Variants in SLIT2 observed in about 807,000 individuals in gnomAD.
SLIT2 encodes slit homolog 2 protein.
In SLIT2, 41 loss-of-function variants were observed where a neutral mutation model predicts 185.7. The ratio of observed to expected loss-of-function variants is 0.22; its 90% CI spans 0.17 to 0.29. The LOEUF (loss-of-function observed/expected upper bound fraction) is 0.29. Ranked by LOEUF, SLIT2 falls within the 10% of genes least tolerant of loss-of-function variation. The pLI, the probability that SLIT2 is intolerant of heterozygous loss-of-function variation, is 1.00. For synonymous variants in SLIT2, 693 were observed against 680.2 expected (o/e 1.02, Z -0.29); for missense variants, 1,571 against 1,909.0 (o/e 0.82, Z 3.30).
chr4:20,343,234 C>T (rs1380404514), intron 4 of SLIT2, among the ~76,000 whole-genome samples: 1 of 152,152 alleles, frequency 6.6e-6, no homozygotes, highest in Admixed American at 6.5e-5. Flanking sequence ...ATACACCCTT[C>T]CCAGTCTCTG....
chr4:20,537,052 A>C (rs902448774), intron 18 of SLIT2, among the ~76,000 whole-genome samples: 2 of 152,188 alleles, frequency 1.3e-5, no homozygotes, highest in Non-Finnish European at 2.9e-5. Flanking sequence ...TTCTTCTGGA[A>C]TACCTCCGGA....
intron 3 of SLIT2, among the ~76,000 whole-genome samples, chr4:20,264,503 A>T (rs549633871): frequency 6.6e-6 from 1 of 152,048 alleles, no homozygotes; most frequent in East Asian, 1.9e-4. Flanking sequence ...ATTAGATGGA[A>T]GGTTGTGAAC....
intron 30 of SLIT2, among the ~76,000 whole-genome samples, chr4:20,593,889 T>C (rs965923080): frequency 5.9e-5 from 9 of 151,842 alleles, no homozygotes; most frequent in Admixed American, 3.3e-4. Flanking sequence ...AGAGCTAAGT[T>C]ATAGTTTTCT....
intron 4 of SLIT2, among the ~76,000 whole-genome samples, chr4:20,462,234 C>T (rs1021940682): frequency 1.3e-5 from 2 of 152,032 alleles, no homozygotes; most frequent in South Asian, 4.2e-4. Flanking sequence ...TTTCCAGCTC[C>T]CCTCATTTCT....
intron 4 of SLIT2, among the ~76,000 whole-genome samples, chr4:20,376,425 T>C (rs552967187): frequency 6.6e-5 from 10 of 152,190 alleles, no homozygotes; most frequent in African/African-American, 2.4e-4. Flanking sequence ...GATAATTCCA[T>C]TGTAGAAAGC....
chr4:20,598,227 G>A (rs377300122), intron 32 of SLIT2, 38 bp from the exon 33 acceptor site: 24 of 1,608,008 alleles, frequency 1.5e-5, no homozygotes, highest in African/African-American at 1.5e-4. Flanking sequence ...GTTTGGTTGC[G>A]TACACATCCT....
At position 20,425,679 on chromosome 4, in the gene SLIT2, A is replaced by G. The variant is rs566463788; in HGVS notation, c.396-42073A>G. ...GGGAAAAGCCACTCTTAATACATAG[A>G]AATTCCTTTTAGTGAGTTCAACTTT... On this transcript the variant is annotated intron_variant, in intron 4 of 36. Transcript: ENST00000504154. 1.1e-3 allele frequency among the ~76,000 whole-genome samples: 172 copies of G among 152,316 alleles called. 1 individual carries two copies. Among genetic ancestry groups the G allele is most frequent in the African/African-American group, 3.5e-3 (147 of 41,580 alleles).
chr4:20,334,734 C>G (rs1490625023), intron 4 of SLIT2, among the ~76,000 whole-genome samples: 1 of 151,966 alleles, frequency 6.6e-6, no homozygotes, highest in African/African-American at 2.4e-5. Context: ...GTATGGAGTC[C>G]AGGAATTAGA....
At chr4:20,505,880 G>A (rs1209697724) in intron 9 of SLIT2, among the ~76,000 whole-genome samples, 1 of 152,004 alleles carries the variant, frequency 6.6e-6, no homozygotes, top group Non-Finnish European at 1.5e-5. Context: ...GTATAATGAG[G>A]TAGCAGTAAT....
At chr4:20,344,138 G>A (rs1432812941) in intron 4 of SLIT2, among the ~76,000 whole-genome samples, 3 of 152,134 alleles carry the variant, frequency 2.0e-5, no homozygotes, top group Admixed American at 1.3e-4. Flanking sequence ...GTGAGCCACC[G>A]CGCCCGGCCA....
intron 4 of SLIT2, among the ~76,000 whole-genome samples, chr4:20,416,510 T>C (rs778313118): frequency 1.2e-4 from 18 of 152,210 alleles, no homozygotes; most frequent in Non-Finnish European, 1.8e-4. Flanking sequence ...ATTTAATCCA[T>C]AAAACCCTCT....
chr4:20,297,095 T>C (rs1245455093), intron 4 of SLIT2, among the ~76,000 whole-genome samples: 2 of 152,230 alleles, frequency 1.3e-5, no homozygotes, highest in African/African-American at 4.8e-5. Context: ...TCCTTACAAA[T>C]AGTTTCCTTA....
intron 4 of SLIT2, among the ~76,000 whole-genome samples, chr4:20,379,476 A>G (rs778382690): frequency 3.3e-5 from 5 of 152,188 alleles, no homozygotes; most frequent in Admixed American, 1.3e-4. Flanking sequence ...TCTTAATACA[A>G]CACATAAATA....
chr4:20,358,666 A>G (rs1288174306), intron 4 of SLIT2, among the ~76,000 whole-genome samples: 1 of 152,100 alleles, frequency 6.6e-6, no homozygotes, highest in Non-Finnish European at 1.5e-5. Flanking sequence ...AAGTTTGACA[A>G]ACTCATGCAC....
intron 4 of SLIT2, among the ~76,000 whole-genome samples, chr4:20,403,211 G>T (rs1726496413): frequency 6.6e-6 from 1 of 151,842 alleles, no homozygotes; most frequent in Admixed American, 6.6e-5. Context: ...GCCATCAAAT[G>T]AAAAATACAT....
At chr4:20,595,335 A>C (rs1420795571) in intron 30 of SLIT2, among the ~76,000 whole-genome samples, 1 of 152,128 alleles carries the variant, frequency 6.6e-6, no homozygotes, top group Non-Finnish European at 1.5e-5. Flanking sequence ...GATCAAATGG[A>C]TTAGGCCAAA....
chr4:20,327,911 C>T (rs1031680383), intron 4 of SLIT2, among the ~76,000 whole-genome samples: 1 of 152,018 alleles, frequency 6.6e-6, no homozygotes, highest in Non-Finnish European at 1.5e-5. Flanking sequence ...GAATTTTGCT[C>T]TAATGGCTGC....
chr4:20,575,385 A>G (rs1416802334), intron 29 of SLIT2, among the ~76,000 whole-genome samples: 2 of 152,230 alleles, frequency 1.3e-5, no homozygotes. Flanking sequence ...TCTTAAATAA[A>G]AAGAATGTAT....
At chr4:20,603,157 G>A (rs780408792) in intron 33 of SLIT2, among the ~76,000 whole-genome samples, 10 of 152,158 alleles carry the variant, frequency 6.6e-5, no homozygotes, top group South Asian at 4.1e-4. Flanking sequence ...AGCAGAAGGC[G>A]AAAGGAATGT....
Sources: gnomAD v4.1 joint callset for allele counts (sites outside exome capture counted in the v4.1 genomes callset) on GRCh38, gnomAD v4.1.1 for gene constraint, MANE v1.5 for transcripts, NCBI Gene and HGNC (gene_info 2026-07-23, HGNC 2026-07-21) for gene names.